The following ATP11A variants were observed in gnomAD, a reference collection of about 807,000 sequenced individuals.
The protein encoded by ATP11A is ATPase phospholipid transporting 11A, also known as phospholipid-transporting ATPase IH.
ATP11A carries 81 observed loss-of-function variants against 154.4 expected under a neutral mutation model. That is an observed-to-expected ratio of 0.52 (90% CI 0.44 to 0.63). The LOEUF is 0.63. Ranked by LOEUF, ATP11A falls within the 30% of genes least tolerant of loss-of-function variation. The pLI is 0.00. For synonymous variants in ATP11A, 623 were observed against 585.9 expected (o/e 1.06, Z -0.91); for missense variants, 1,316 against 1,474.3 (o/e 0.89, Z 1.76).
In ATP11A at chr13:112,775,596, A is replaced by G. The variant is rs891124121; in HGVS notation, c.40-9539A>G. ...ATATAAAAATCTATATTTTAAATTT[A>G]TTTCTGTAAGAAAAAAATTGGTTGG... On this transcript the variant is annotated intron_variant, in intron 1 of 29. Coordinates refer to ENST00000375645, the MANE Select transcript of ATP11A (RefSeq NM_015205.3). Among the ~76,000 whole-genome samples, 8 of 152,240 alleles carry G rather than the reference A, an allele frequency of 5.3e-5. 1 individual carries two copies. Among genetic ancestry groups the G allele is most frequent in the Admixed American group, 1.3e-4 (2 of 15,288 alleles).
intron 2 of ATP11A, among the ~76,000 whole-genome samples, chr13:112,803,764 T>C (rs1281430869): frequency 1.0e-5 from 1 of 97,834 alleles, no homozygotes; most frequent in Non-Finnish European, 2.0e-5. Flanking sequence ...TTCCCCTCCT[T>C]CCCTCCTTCC....
chr13:112,878,862 A>G (rs2080805651), intron 29 of ATP11A, among the ~76,000 whole-genome samples: 2 of 152,130 alleles, frequency 1.3e-5, no homozygotes, highest in South Asian at 4.1e-4. Context: ...ACAACTGGAG[A>G]CAAAGAGGGG....
intron 1 of ATP11A, among the ~76,000 whole-genome samples, chr13:112,699,298 C>A (rs1886238382): frequency 1.3e-5 from 2 of 152,212 alleles, no homozygotes; most frequent in African/African-American, 2.4e-5. Context: ...AGTAACCACC[C>A]TCTACCCCGT....
Position 112,843,507 on chromosome 13 carries a change from C to T in ATP11A, c.1809+1128C>T, listed in dbSNP as rs547130424. On this transcript the variant is annotated intron_variant, in intron 17 of 29. Coordinates refer to ENST00000375645, the MANE Select transcript of ATP11A (RefSeq NM_015205.3). ...AAAAAGAAACAGTAACTGACAGGCT[C>T]TCCTCCCAGAGGTCCAAAATGACGC... Among the ~76,000 whole-genome samples, 3 of 152,298 alleles carry T rather than the reference C, an allele frequency of 2.0e-5. No homozygotes were observed. The South Asian group carries it at 6.2e-4, about 32-fold the overall frequency.
intron 2 of ATP11A, among the ~76,000 whole-genome samples, chr13:112,797,853 G>C (rs1291202367): frequency 6.6e-6 from 1 of 152,240 alleles, no homozygotes; most frequent in Non-Finnish European, 1.5e-5. Context: ...GCACTAAAGT[G>C]TGAGTTTTTG....
At position 112,706,769 on chromosome 13, in the gene ATP11A, C is replaced by T. The variant is rs367637944; in HGVS notation, c.39+16314C>T. On this transcript the variant is annotated intron_variant, in intron 1 of 29. Coordinates refer to ENST00000375645, the MANE Select transcript of ATP11A (RefSeq NM_015205.3). ...AATTGCTGTGCTGCTTTTTAAAGGA[C>T]GGCATGGTTTCAGAAGCTATTAGGT... Among the ~76,000 whole-genome samples the T allele has an allele frequency of 8.5e-5, 13 of 152,160 alleles. No individual in the cohort carries two copies. In the East Asian group the frequency reaches 1.9e-3, roughly 23 times the overall value.
At chr13:112,805,687 AAAG>A (rs2078302465) in intron 3 of ATP11A, among the ~76,000 whole-genome samples, 1 of 151,686 alleles carries the variant, frequency 6.6e-6, no homozygotes, top group Non-Finnish European at 1.5e-5. Context: ...AAAAAAAAAA[AAAG>A]AGAAAGAAAA....
intron 1 of ATP11A, among the ~76,000 whole-genome samples, chr13:112,719,573 C>T (rs1167569704): frequency 6.6e-6 from 1 of 152,154 alleles, no homozygotes; most frequent in Non-Finnish European, 1.5e-5. Flanking sequence ...TGAGAGCTCC[C>T]ACTGGGCAAT....
chr13:112,865,882 T>A (rs1459035797), intron 25 of ATP11A, among the ~76,000 whole-genome samples: 3 of 152,262 alleles, frequency 2.0e-5, no homozygotes, highest in Non-Finnish European at 4.4e-5. Context: ...TTTATCTCTG[T>A]AACTAACAGT....
chr13:112,701,376 A>G (rs1229696883), intron 1 of ATP11A, among the ~76,000 whole-genome samples: 1 of 152,182 alleles, frequency 6.6e-6, no homozygotes, highest in Non-Finnish European at 1.5e-5. Flanking sequence ...CTTAAAGATT[A>G]AAAGGTTATA....
intron 1 of ATP11A, among the ~76,000 whole-genome samples, chr13:112,734,589 A>T (rs1279302554): frequency 6.6e-6 from 1 of 152,196 alleles, no homozygotes; most frequent in African/African-American, 2.4e-5. Flanking sequence ...CAAAAAATAA[A>T]TATCAGTGAC....
rs1325356897 is a variant in ATP11A at position 112,883,502 on chromosome 13, C to A, written c.*1636C>A. 3.4e-6 allele frequency: 1 copy of A among 297,992 alleles called. No individual in the cohort carries two copies. Among genetic ancestry groups the A allele is most frequent in the Non-Finnish European group, 6.2e-6 (1 of 162,590 alleles). The allele number at this position is 297,992 out of a possible 1,614,324, so 18.5% of individuals were successfully genotyped here. On this transcript the variant is annotated 3_prime_UTR_variant, in exon 30 of 30. Coordinates refer to ENST00000375645, the MANE Select transcript of ATP11A (RefSeq NM_015205.3). ...ACCCAGAGGGTGTTTCCGAGGTGCT[C>A]GACAGTAGGTATTTTTGGAAGCTCA...
intron 1 of ATP11A, among the ~76,000 whole-genome samples, chr13:112,765,853 G>A (rs1485895968): frequency 3.9e-5 from 6 of 152,220 alleles, no homozygotes; most frequent in African/African-American, 7.2e-5. Context: ...TTTCTGTAAC[G>A]ACCTCCCGTA....
Position 112,826,832 on chromosome 13 carries a change from G to A in ATP11A, c.1162G>A (p.Glu388Lys), listed in dbSNP as rs751183073. Residue 388 changes from glutamate to lysine, a missense_variant, in exon 12 of 30, where the codon GAG (glutamate) becomes AAG (lysine). Around this residue, in one of 5 missense-constraint regions of ATP11A, gnomAD observed 876 missense variants for 1,006.8 expected, o/e 0.87. Transcript: ENST00000375645. Reference sequence around the variant, plus strand: ...CACCTGGGACGAAGACATGTTTGACGAGGAGACTGGCGAGGGGCCTCTGGT... The same window carrying A: ...CACCTGGGACGAAGACATGTTTGACAAGGAGACTGGCGAGGGGCCTCTGGT... Reference protein sequence around the residue: ...FITWDEDMFDEETGEGPLVNT... With the variant: ...FITWDEDMFDKETGEGPLVNT... 11 of 1,614,016 alleles carry A rather than the reference G, an allele frequency of 6.8e-6. No homozygotes were observed. Among genetic ancestry groups the A allele is most frequent in the Middle Eastern group, 1.6e-4 (1 of 6,084 alleles).
At chr13:112,752,440 G>A (rs1006263806) in intron 1 of ATP11A, among the ~76,000 whole-genome samples, 4 of 152,276 alleles carry the variant, frequency 2.6e-5, no homozygotes, top group Middle Eastern at 3.4e-3. Flanking sequence ...TCCTCCCGGC[G>A]GGCGCCCCTG....
At chr13:112,804,880 A>G (rs1027948865) in intron 2 of ATP11A, 77 bp from the exon 3 acceptor site, 3 of 812,728 alleles carry the variant, frequency 3.7e-6, no homozygotes, top group Admixed American at 2.7e-5. Flanking sequence ...ATCCAGTGCT[A>G]CTTACTATGC....
At chr13:112,837,935 G>A (rs1017229365) in intron 16 of ATP11A, among the ~76,000 whole-genome samples, 1 of 152,110 alleles carries the variant, frequency 6.6e-6, no homozygotes, top group South Asian at 2.1e-4. Context: ...TGGCTGCTCT[G>A]GGGGGCTGCC....
intron 25 of ATP11A, among the ~76,000 whole-genome samples, chr13:112,870,873 G>T (rs2080495859): frequency 6.6e-6 from 1 of 152,224 alleles, no homozygotes; most frequent in Admixed American, 6.5e-5. Context: ...TGTGCCTCGT[G>T]CGGTAGAGAG....
Position 112,885,113 on chromosome 13 carries a change from G to C in ATP11A, c.*3247G>C, listed in dbSNP as rs1479093464. 1 of 152,070 alleles carries C rather than the reference G, an allele frequency of 6.6e-6. No homozygotes were observed. Among genetic ancestry groups the C allele is most frequent in the East Asian group, 1.9e-4 (1 of 5,146 alleles). The allele number at this position is 152,070 out of a possible 1,614,324, so 9.4% of individuals were successfully genotyped here. A position where few individuals can be genotyped will look rare whatever the true frequency, so the allele number is the denominator to read the frequency against. On this transcript the variant is annotated 3_prime_UTR_variant, in exon 30 of 30. Transcript: ENST00000375645. ...CACGTGTACATGCACCAAAGCATGT[G>C]TGACCTACAGACATGCAGAACATGC...
Sources: gnomAD v4.1 joint callset for allele counts (sites outside exome capture counted in the v4.1 genomes callset) on GRCh38, gnomAD v4.1.1 for gene constraint, gnomAD v4.1.1 regional missense constraint, MANE v1.5 for transcripts, NCBI Gene and HGNC (gene_info 2026-07-23, HGNC 2026-07-21) for gene names.